Variants in DZIP1L observed in about 807,000 individuals in gnomAD.
The protein encoded by DZIP1L is cilium assembly protein DZIP1L.
DZIP1L carries 90 observed loss-of-function variants against 88.7 expected under a neutral mutation model. The ratio of observed to expected loss-of-function variants is 1.02; its 90% CI spans 0.86 to 1.21. The LOEUF is 1.21. Among genes scored for constraint, DZIP1L ranks in the 50% most tolerant of loss-of-function variants. DZIP1L has a pLI of 0.00. For synonymous variants in DZIP1L, 363 were observed against 372.1 expected (o/e 0.98, Z 0.28); for missense variants, 932 against 955.8 (o/e 0.98, Z 0.33).
intron 3 of DZIP1L, among the ~76,000 whole-genome samples, chr3:138,095,685 G>A (rs1339553224): frequency 2.0e-5 from 3 of 152,078 alleles, no homozygotes; most frequent in African/African-American, 7.2e-5. Context: ...AGGAGGCTGA[G>A]GCAAAAGAAT....
At chr3:138,105,549 C>G (rs537875650) in intron 1 of DZIP1L, among the ~76,000 whole-genome samples, 106 of 151,980 alleles carry the variant, frequency 7.0e-4, no homozygotes, top group Non-Finnish European at 1.3e-3. Flanking sequence ...TTTATAATAC[C>G]TAATACAATG....
In DZIP1L at chr3:138,083,483, G is replaced by T. The variant is rs1943767745; in HGVS notation, c.1203+630C>A. Among the ~76,000 whole-genome samples, 7 of 152,164 alleles carry T rather than the reference G, an allele frequency of 4.6e-5. 1 individual carries two copies. The South Asian group carries it at 1.4e-3, about 31-fold the overall frequency. On this transcript the variant is annotated intron_variant, in intron 8 of 15. Transcript: ENST00000327532. ...TGGAGGGGGAACTCAGCCTCGACTG[G>T]GCAGAGAATTGTCAGCAACAGGTAA...
At chr3:138,086,742 C>T (rs572406791) in intron 7 of DZIP1L, among the ~76,000 whole-genome samples, 2 of 152,322 alleles carry the variant, frequency 1.3e-5, no homozygotes, top group East Asian at 3.9e-4. Flanking sequence ...GAGGAGAAGG[C>T]CTGGAGGCCC....
intron 11 of DZIP1L, among the ~76,000 whole-genome samples, 177 bp downstream of exon 11, chr3:138,077,322 A>G (rs778693694): frequency 2.6e-5 from 4 of 152,230 alleles, no homozygotes; most frequent in Admixed American, 6.5e-5. Flanking sequence ...CAGAGGAAAG[A>G]TATCACACTG....
At chr3:138,066,561 TA>T (rs1226473957) in intron 14 of DZIP1L, among the ~76,000 whole-genome samples, 2 of 152,130 alleles carry the variant, frequency 1.3e-5, no homozygotes, top group African/African-American at 4.8e-5. Flanking sequence ...CTATGAGGCT[TA>T]GTTTCAACTT....
At chr3:138,101,347 G>C in intron 2 of DZIP1L, 1 of 603,652 alleles carries the variant, frequency 1.7e-6, no homozygotes, top group Non-Finnish European at 2.9e-6. Context: ...CTCCCCCGCA[G>C]GTGGGTTGAG....
At position 138,064,433 on chromosome 3, in the gene DZIP1L, T is replaced by C. The variant is rs866539952; in HGVS notation, c.2142+195A>G. 6.5e-6 allele frequency: 10 copies of C among 1,541,698 alleles called. No individual in the cohort carries two copies. The Middle Eastern group carries it at 1.7e-3, about 268-fold the overall frequency. On this transcript the variant is annotated intron_variant, in intron 15 of 15. Coordinates refer to ENST00000327532, the MANE Select transcript of DZIP1L (RefSeq NM_173543.3). ...TAATGAACCAAAAGGCTTTTTAATG[T>C]TAACTTGGATACAAGTATTCCAAAC...
At chr3:138,100,884 C>A (rs922547127) in intron 2 of DZIP1L, among the ~76,000 whole-genome samples, 1 of 152,130 alleles carries the variant, frequency 6.6e-6, no homozygotes, top group Non-Finnish European at 1.5e-5. Context: ...CACATGCAAA[C>A]GCTCCATGTT....
intron 8 of DZIP1L, among the ~76,000 whole-genome samples, chr3:138,082,424 G>A (rs1943705126): frequency 6.6e-6 from 1 of 152,178 alleles, no homozygotes; most frequent in African/African-American, 2.4e-5. Flanking sequence ...TCGTATATTT[G>A]TTTTACCACA....
intron 5 of DZIP1L, 126 bp downstream of exon 5, chr3:138,092,257 G>T (rs1944271694): frequency 5.6e-6 from 6 of 1,072,668 alleles, no homozygotes; most frequent in Non-Finnish European, 6.2e-6. Flanking sequence ...TCAGGCCTCT[G>T]ATAACTGGCC....
At chr3:138,096,285 A>C (rs1323509957) in intron 3 of DZIP1L, among the ~76,000 whole-genome samples, 1 of 152,226 alleles carries the variant, frequency 6.6e-6, no homozygotes, top group Non-Finnish European at 1.5e-5. Flanking sequence ...TACGTTAAGG[A>C]AATAAGAGAT....
In DZIP1L at chr3:138,076,453, T is replaced by C. The variant is rs182211278; in HGVS notation, c.1422+1046A>G. Among the ~76,000 whole-genome samples the C allele has an allele frequency of 1.5e-3, 226 of 152,330 alleles. 1 individual carries two copies. The highest frequency in any genetic ancestry group is 5.2e-3 in the African/African-American group (216 of 41,556). On this transcript the variant is annotated intron_variant, in intron 11 of 15. Transcript: ENST00000327532. ...AGAAGTCATTACATGAAAAAGATACTTACACATGCATGTTTATAGCAGCAC... is the reference window on the plus strand; with the variant it reads ...AGAAGTCATTACATGAAAAAGATACCTACACATGCATGTTTATAGCAGCAC...
intron 11 of DZIP1L, among the ~76,000 whole-genome samples, chr3:138,075,259 T>C (rs879591316): frequency 6.6e-6 from 1 of 151,992 alleles, no homozygotes; most frequent in Non-Finnish European, 1.5e-5. Flanking sequence ...AGACAGAAAG[T>C]CAACAAAGAA....
rs541355099 is a variant in DZIP1L at position 138,086,890 on chromosome 3, G to A, written c.1062+71C>T. The A allele has an allele frequency of 1.1e-4, 173 of 1,514,690 alleles. No individual in the cohort carries two copies. The East Asian group carries it at 3.2e-3, about 28-fold the overall frequency. 93.8% of individuals were successfully genotyped at this position (1,514,690 alleles called of 1,614,324 possible). On this transcript the variant is annotated intron_variant, in intron 7 of 15. Transcript: ENST00000327532. ...TAGGGGAGATGGTGGGTGAGGGGGC[G>A]TGGAGAATGCTGAATTCTGAGAGGA... is the stretch of plus-strand genomic sequence containing the variant.
Position 138,077,608 on chromosome 3 carries a change from T to G in DZIP1L, c.1313A>C (p.Gln438Pro). Residue 438 changes from glutamine (Q) to proline (P), a missense_variant, in exon 11 of 16, where the codon CAG becomes CCG. Gln to Pro is a moderately conservative substitution (Grantham distance 76, BLOSUM62 -1). Coordinates refer to ENST00000327532, the MANE Select transcript of DZIP1L (RefSeq NM_173543.3). ...CCTCAGAGCTGCCAGCACCTTGTGCTGTTCATCCTGGGAGTCCTCCATCTC... is the reference window on the plus strand; with the variant it reads ...CCTCAGAGCTGCCAGCACCTTGTGCGGTTCATCCTGGGAGTCCTCCATCTC... ...EEEMEDSQDE[Q>P]HKVLAALRRN... The G allele has an allele frequency of 6.2e-7, 1 of 1,614,204 alleles. No individual in the cohort carries two copies. Among genetic ancestry groups the G allele is most frequent in the Non-Finnish European group, 8.5e-7 (1 of 1,180,036 alleles).
chr3:138,066,723 G>A (rs578121733), intron 14 of DZIP1L, among the ~76,000 whole-genome samples: 1 of 151,950 alleles, frequency 6.6e-6, no homozygotes, highest in African/African-American at 2.4e-5. Flanking sequence ...CACACGCCTC[G>A]AGCTTCCACA....
At chr3:138,101,008 C>T (rs1424029747) in intron 2 of DZIP1L, among the ~76,000 whole-genome samples, 1 of 152,106 alleles carries the variant, frequency 6.6e-6, no homozygotes, top group Admixed American at 6.5e-5. Flanking sequence ...ACACAAACCC[C>T]TCACACACAC....
chr3:138,083,105 G>A (rs976970005), intron 8 of DZIP1L, among the ~76,000 whole-genome samples: 8 of 152,150 alleles, frequency 5.3e-5, no homozygotes, highest in African/African-American at 1.9e-4. Context: ...GTTCCTAACT[G>A]AATCATTTGC....
At chr3:138,069,106 C>A in intron 12 of DZIP1L, 6 of 860,150 alleles carry the variant, frequency 7.0e-6, no homozygotes, top group Non-Finnish European at 1.1e-5. Flanking sequence ...GATTTTCTTC[C>A]GACTCTGCCA....
Sources: gnomAD v4.1 joint callset for allele counts (sites outside exome capture counted in the v4.1 genomes callset) on GRCh38, gnomAD v4.1.1 for gene constraint, MANE v1.5 for transcripts, NCBI Gene and HGNC (gene_info 2026-07-23, HGNC 2026-07-21) for gene names.